Variants in TAFA5 observed in about 807,000 individuals in gnomAD.
TAFA5 encodes chemokine-like protein TAFA-5.
In TAFA5, 6 loss-of-function variants were observed where a neutral mutation model predicts 15.3. That is an observed-to-expected ratio of 0.39 (90% CI 0.21 to 0.77). TAFA5 has a LOEUF of 0.77. TAFA5 is among the 30% of genes least tolerant of loss of function. TAFA5 has a pLI of 0.41. For synonymous variants in TAFA5, 103 were observed against 80.7 expected (o/e 1.28, Z -1.48); for missense variants, 161 against 193.1 (o/e 0.83, Z 0.98).
intron 1 of TAFA5, among the ~76,000 whole-genome samples, chr22:48,541,916 G>A (rs1922388052): frequency 1.3e-5 from 2 of 152,204 alleles, no homozygotes; most frequent in East Asian, 1.9e-4. Context: ...GATACCCCAG[G>A]GGATCGTGTG....
intron 1 of TAFA5, among the ~76,000 whole-genome samples, chr22:48,627,357 G>A (rs1926059984): frequency 1.3e-5 from 2 of 152,226 alleles, no homozygotes; most frequent in South Asian, 4.1e-4. Flanking sequence ...TGCAGGTCTG[G>A]GGGTGGCGGG....
intron 1 of TAFA5, among the ~76,000 whole-genome samples, chr22:48,610,142 C>T (rs1022358456): frequency 1.1e-4 from 17 of 152,208 alleles, no homozygotes; most frequent in African/African-American, 4.1e-4. Context: ...CTAAGGTCGG[C>T]TCAGCAGGGT....
chr22:48,731,982 T>C (rs1294070606), intron 3 of TAFA5, among the ~76,000 whole-genome samples: 2 of 152,198 alleles, frequency 1.3e-5, no homozygotes, highest in East Asian at 3.9e-4. Flanking sequence ...ATTCTAGACG[T>C]CATTAAGAGC....
intron 1 of TAFA5, among the ~76,000 whole-genome samples, chr22:48,578,854 T>G: frequency 6.6e-6 from 1 of 151,106 alleles, no homozygotes; most frequent in Non-Finnish European, 1.5e-5. Flanking sequence ...CAGTGAGAGG[T>G]GCAGGGAGGG....
chr22:48,522,420 C>T (rs1423848325), intron 1 of TAFA5, among the ~76,000 whole-genome samples: 2 of 152,118 alleles, frequency 1.3e-5, no homozygotes, highest in Non-Finnish European at 2.9e-5. Context: ...CACCGGCGGC[C>T]CCAGGGCTTG....
Position 48,566,943 on chromosome 22 carries a change from G to A in TAFA5, c.112+77239G>A, listed in dbSNP as rs1046047652. ...GGGTTTGTCCTTTCTCCTTTGCTCC[G>A]CAGCACTGCTGCCTGCGGACTGGCC... On this transcript the variant is annotated intron_variant, in intron 1 of 3. Coordinates refer to ENST00000402357, the MANE Select transcript of TAFA5 (RefSeq NM_001082967.3). This position sits in a 1 kb window ranked among gnomAD's most constrained non-coding sequence, Gnocchi z 4.5. Among the ~76,000 whole-genome samples, 2 of 152,186 alleles carry A rather than the reference G, an allele frequency of 1.3e-5. No individual in the cohort carries two copies. Among genetic ancestry groups the A allele is most frequent in the Non-Finnish European group, 2.9e-5 (2 of 68,034 alleles).
intron 1 of TAFA5, among the ~76,000 whole-genome samples, chr22:48,602,652 C>T (rs1925016784): frequency 6.6e-6 from 1 of 152,198 alleles, no homozygotes; most frequent in Non-Finnish European, 1.5e-5. Flanking sequence ...CATGTGGCCT[C>T]TGGTACAGAG....
chr22:48,648,497 C>T (rs1926943859), intron 2 of TAFA5, among the ~76,000 whole-genome samples: 1 of 152,172 alleles, frequency 6.6e-6, no homozygotes. Context: ...GAGACAGGGC[C>T]AAGGCATCCT....
chr22:48,539,922 TG>T (rs1922303249), intron 1 of TAFA5, among the ~76,000 whole-genome samples: 1 of 151,544 alleles, frequency 6.6e-6, no homozygotes, highest in Non-Finnish European at 1.5e-5. Context: ...TGGGAGGGGA[TG>T]GGGCCTTGCC....
chr22:48,626,304 C>A (rs1257207674), intron 1 of TAFA5, among the ~76,000 whole-genome samples: 1 of 152,148 alleles, frequency 6.6e-6, no homozygotes, highest in Non-Finnish European at 1.5e-5. Flanking sequence ...TATATCGGAC[C>A]CCCGCCGGCC....
At chr22:48,497,953 GT>G in intron 1 of TAFA5, among the ~76,000 whole-genome samples, 1 of 73,264 alleles carries the variant, frequency 1.4e-5, no homozygotes, top group Non-Finnish European at 3.0e-5. Context: ...GGGCTGAAGA[GT>G]GGGGTGGGGC....
intron 2 of TAFA5, among the ~76,000 whole-genome samples, chr22:48,665,707 C>T (rs1927586266): frequency 1.3e-5 from 2 of 152,240 alleles, no homozygotes; most frequent in South Asian, 4.1e-4. Context: ...GAATGGAAGA[C>T]TGGGTCTCAT....
chr22:48,639,466 G>A (rs1331260254), intron 1 of TAFA5, among the ~76,000 whole-genome samples: 1 of 152,190 alleles, frequency 6.6e-6, no homozygotes, highest in Non-Finnish European at 1.5e-5. Flanking sequence ...AGGATCACAC[G>A]GTTTGTGGGT....
Position 48,648,543 on chromosome 22 carries a change from A to G in TAFA5, c.262+1797A>G, listed in dbSNP as rs1161233932. On this transcript the variant is annotated intron_variant, in intron 2 of 3. Coordinates refer to ENST00000402357, the MANE Select transcript of TAFA5 (RefSeq NM_001082967.3). ...CAGAGGGAGGCGGCTGCACTAGGAA[A>G]AAGAATGCCCGTATCAGCCAGGCGC... Among the ~76,000 whole-genome samples, 3 of 152,138 alleles carry G rather than the reference A, an allele frequency of 2.0e-5. No individual in the cohort carries two copies. In the East Asian group the frequency reaches 5.8e-4, roughly 29 times the overall value.
In TAFA5 at chr22:48,742,679, C is replaced by A. The variant is rs533308364; in HGVS notation, c.391-7160C>A. Among the ~76,000 whole-genome samples the A allele has an allele frequency of 6.6e-6, 1 of 151,790 alleles. No homozygotes were observed. The highest frequency in any genetic ancestry group is 1.5e-5 in the Non-Finnish European group (1 of 67,884). ...GGACCAGGCAACGTGGTAGACCGGGCAGTGTGATGGACCAGGCGACGTGGT... is the reference window on the plus strand; with the variant it reads ...GGACCAGGCAACGTGGTAGACCGGGAAGTGTGATGGACCAGGCGACGTGGT... On this transcript the variant is annotated intron_variant, in intron 3 of 3. Transcript: ENST00000402357. The surrounding 1 kb of genome is among the most constrained non-coding windows in gnomAD (Gnocchi z 6.2).
intron 1 of TAFA5, among the ~76,000 whole-genome samples, chr22:48,541,242 G>A (rs1239404510): frequency 6.6e-6 from 1 of 152,104 alleles, no homozygotes; most frequent in Admixed American, 6.5e-5. Context: ...CTTGTGCAGG[G>A]ACCTGGAGAC....
chr22:48,647,700 G>A (rs1392492154), intron 2 of TAFA5, among the ~76,000 whole-genome samples: 2 of 152,008 alleles, frequency 1.3e-5, no homozygotes, highest in African/African-American at 4.8e-5. Context: ...GGGCAGACAT[G>A]GGGGCTGCCA....
intron 1 of TAFA5, among the ~76,000 whole-genome samples, chr22:48,505,853 G>A (rs1920989288): frequency 6.6e-6 from 1 of 152,200 alleles, no homozygotes; most frequent in Non-Finnish European, 1.5e-5. Flanking sequence ...ATTACAATCT[G>A]CAAAGGGAAA....
At chr22:48,596,719 G>GT (rs1420500103) in intron 1 of TAFA5, among the ~76,000 whole-genome samples, 3 of 128,586 alleles carry the variant, frequency 2.3e-5, no homozygotes, top group African/African-American at 8.9e-5. Flanking sequence ...TTGGACCCAC[G>GT]TATCGTGACG....
Sources: gnomAD v4.1 joint callset for allele counts (sites outside exome capture counted in the v4.1 genomes callset) on GRCh38, gnomAD v4.1.1 for gene constraint, Gnocchi (gnomAD v3.1) non-coding constraint, MANE v1.5 for transcripts, NCBI Gene and HGNC (gene_info 2026-07-23, HGNC 2026-07-21) for gene names.